The following KDM2A variants were observed in gnomAD, a reference collection of about 807,000 sequenced individuals.
The protein encoded by KDM2A is lysine-specific demethylase 2A.
KDM2A carries 3 observed loss-of-function variants against 137.3 expected under a neutral mutation model. That is an observed-to-expected ratio of 0.02 (90% CI 0.01 to 0.06). The LOEUF is 0.06. KDM2A is among the 10% of genes least tolerant of loss of function. KDM2A has a pLI of 1.00. For missense variants in KDM2A, 738 were observed against 1,510.6 expected, an observed-to-expected ratio of 0.49 and a Z score of 8.48; for synonymous variants, 512 against 541.5, an observed-to-expected ratio of 0.95 and a Z score of 0.76.
intron 2 of KDM2A, among the ~76,000 whole-genome samples, chr11:67,170,479 C>A (rs1256108984): frequency 7.4e-6 from 1 of 134,812 alleles, no homozygotes; most frequent in Non-Finnish European, 1.5e-5. Context: ...GTGGCGCGAT[C>A]TCAGCTCACT....
intron 6 of KDM2A, among the ~76,000 whole-genome samples, chr11:67,211,613 CAAAAAAAAAAAA>C (rs377116306): frequency 4.0e-5 from 2 of 50,246 alleles, no homozygotes; most frequent in Non-Finnish European, 6.2e-5. Context: ...GACCCTGTCT[CAAAAAAAAAAAA>C]AAAAAAAAAA....
At chr11:67,203,301 T>C (rs1246009180) in intron 5 of KDM2A, among the ~76,000 whole-genome samples, 3 of 151,826 alleles carry the variant, frequency 2.0e-5, no homozygotes, top group Non-Finnish European at 4.4e-5. Context: ...CCAAAAAGTT[T>C]TGTATGACTT....
At chr11:67,156,170 C>A (rs1856510144) in intron 2 of KDM2A, among the ~76,000 whole-genome samples, 2 of 151,274 alleles carry the variant, frequency 1.3e-5, no homozygotes, top group South Asian at 4.2e-4. Flanking sequence ...ATCACTTGAA[C>A]CCAGGAGGTG....
chr11:67,127,300 C>T (rs375024360), intron 2 of KDM2A, among the ~76,000 whole-genome samples: 251 of 151,962 alleles, frequency 1.7e-3, no homozygotes, highest in African/African-American at 5.7e-3. Flanking sequence ...TATCCCTGTT[C>T]GGGCTGCTCA....
At chr11:67,120,940 A>T (rs537387775) in intron 1 of KDM2A, among the ~76,000 whole-genome samples, 1 of 151,694 alleles carries the variant, frequency 6.6e-6, no homozygotes, top group African/African-American at 2.4e-5. Flanking sequence ...TGATGCTGCC[A>T]TGAAGGAGAT....
chr11:67,153,446 T>C (rs1247561395), intron 2 of KDM2A, among the ~76,000 whole-genome samples: 1 of 152,226 alleles, frequency 6.6e-6, no homozygotes, highest in African/African-American at 2.4e-5. Flanking sequence ...CATCAAACTT[T>C]GTATTCAGCT....
At chr11:67,144,901 G>A (rs917883818) in intron 2 of KDM2A, among the ~76,000 whole-genome samples, 25 of 150,256 alleles carry the variant, frequency 1.7e-4, no homozygotes, top group Non-Finnish European at 3.3e-4. Flanking sequence ...ACAGAGTCTC[G>A]CTCTGTCATC....
intron 2 of KDM2A, among the ~76,000 whole-genome samples, chr11:67,157,099 G>A (rs1364738579): frequency 6.6e-6 from 1 of 151,790 alleles, no homozygotes; most frequent in East Asian, 2.0e-4. Context: ...CGATCACGAG[G>A]TCAGGAGATA....
In KDM2A at chr11:67,256,438, T is replaced by TATAA; in HGVS notation, c.*1385_*1386insAAAT. The TATAA allele has an allele frequency of 6.6e-6, 1 of 152,588 alleles. No homozygotes were observed. The highest frequency in any genetic ancestry group is 2.1e-4 in the South Asian group (1 of 4,832). 9.5% of individuals were successfully genotyped at this position (152,588 alleles called of 1,614,324 possible). On this transcript the variant is annotated 3_prime_UTR_variant, in exon 21 of 21. Coordinates refer to ENST00000529006, the MANE Select transcript of KDM2A (RefSeq NM_012308.3). ...GAGGAGATGCTCAGTAGCAGCAGCCTATGGCAAGAGCTTATAAATGATTGA... is the reference window on the plus strand; with the variant it reads ...GAGGAGATGCTCAGTAGCAGCAGCCTATAAATGGCAAGAGCTTATAAATGATTGA...
intron 19 of KDM2A, 48 bp downstream of exon 19, chr11:67,253,659 TCTTC>T (rs1292940364): frequency 1.3e-6 from 2 of 1,594,348 alleles, no homozygotes; most frequent in Non-Finnish European, 1.7e-6. Flanking sequence ...GGTAGCTTTG[TCTTC>T]CAAACAGACC....
At chr11:67,124,216 C>A (rs1382327254) in intron 2 of KDM2A, among the ~76,000 whole-genome samples, 5 of 152,132 alleles carry the variant, frequency 3.3e-5, no homozygotes, top group Non-Finnish European at 7.3e-5. Flanking sequence ...GTTGGCCAGG[C>A]TGGTCTTGAA....
At chr11:67,191,661 TAACA>T (rs1443792389) in intron 5 of KDM2A, among the ~76,000 whole-genome samples, 2 of 152,092 alleles carry the variant, frequency 1.3e-5, no homozygotes, top group African/African-American at 2.4e-5. Flanking sequence ...TAAAAACACT[TAACA>T]AACTAGAAAT....
intron 2 of KDM2A, among the ~76,000 whole-genome samples, chr11:67,155,017 T>C (rs1019820129): frequency 6.6e-6 from 1 of 152,158 alleles, no homozygotes; most frequent in Admixed American, 6.5e-5. Context: ...TTTAGTTCTT[T>C]TGTTTTTTGT....
intron 2 of KDM2A, among the ~76,000 whole-genome samples, chr11:67,176,788 A>T (rs1181968649): frequency 6.6e-6 from 1 of 152,154 alleles, no homozygotes; most frequent in African/African-American, 2.4e-5. Flanking sequence ...ATATGGTATA[A>T]AAGGCAAAAA....
chr11:67,224,461 CT>C lies in KDM2A; in HGVS notation c.958-3554del, dbSNP rs35180780. 1.5e-4 allele frequency among the ~76,000 whole-genome samples: 14 copies of C among 95,166 alleles called. No homozygotes were observed. The South Asian group carries it at 2.2e-3, about 15-fold the overall frequency. The allele number at this position is 95,166 out of a possible 152,430, so 62.4% of individuals were successfully genotyped here. On this transcript the variant is annotated intron_variant, in intron 10 of 20. Coordinates refer to ENST00000529006, the MANE Select transcript of KDM2A (RefSeq NM_012308.3). ...GTCCGTACCAAAAATTAACCCCTTT[CT>C]TTTTTTTTTTTTTTTTTTTTTGAGA...
intron 2 of KDM2A, among the ~76,000 whole-genome samples, chr11:67,138,029 C>T (rs1856006231): frequency 6.6e-6 from 1 of 152,140 alleles, no homozygotes; most frequent in Non-Finnish European, 1.5e-5. Flanking sequence ...ATCTCCTGAC[C>T]TTGTGATTCG....
intron 5 of KDM2A, among the ~76,000 whole-genome samples, chr11:67,189,447 A>C (rs1349153378): frequency 6.6e-6 from 1 of 152,216 alleles, no homozygotes; most frequent in East Asian, 1.9e-4. Context: ...GGAATCACTG[A>C]TTGCAGTAGC....
chr11:67,120,787 C>T (rs1855581395), intron 1 of KDM2A, among the ~76,000 whole-genome samples: 1 of 152,136 alleles, frequency 6.6e-6, no homozygotes, highest in African/African-American at 2.4e-5. Flanking sequence ...CCTCTTTTTA[C>T]ATAGTCAGTT....
chr11:67,214,082 C>T (rs1858079737), intron 6 of KDM2A, among the ~76,000 whole-genome samples: 1 of 151,926 alleles, frequency 6.6e-6, no homozygotes, highest in Admixed American at 6.6e-5. Context: ...CTCTTGTTTC[C>T]CAGGCTGGAG....
Sources: gnomAD v4.1 joint callset for allele counts (sites outside exome capture counted in the v4.1 genomes callset) on GRCh38, gnomAD v4.1.1 for gene constraint, MANE v1.5 for transcripts, NCBI Gene and HGNC (gene_info 2026-07-23, HGNC 2026-07-21) for gene names.